Variants in MGMT observed in about 807,000 individuals in gnomAD.
MGMT encodes the protein methylated-DNA--protein-cysteine methyltransferase.
In MGMT, 14 loss-of-function variants were observed where a neutral mutation model predicts 15.9. The observed-to-expected ratio is 0.88, with a 90% CI of 0.58 to 1.37. The LOEUF (loss-of-function observed/expected upper bound fraction) is 1.37, where lower values mean the gene tolerates loss of function less well. Ranked by LOEUF, MGMT falls within the 40% of genes most tolerant of loss-of-function variation. The pLI is 0.00. For synonymous variants in MGMT, 130 were observed against 118.2 expected (o/e 1.10, Z -0.65); for missense variants, 282 against 268.1 (o/e 1.05, Z -0.36).
Position 129,624,874 on chromosome 10 carries a change from C to T in MGMT, c.126-83021C>T, listed in dbSNP as rs180858513. Among the ~76,000 whole-genome samples the T allele has an allele frequency of 2.2e-3, 334 of 152,008 alleles. 1 individual carries two copies. Among genetic ancestry groups the T allele is most frequent in the African/African-American group, 7.7e-3 (317 of 41,432 alleles). On this transcript the variant is annotated intron_variant, in intron 2 of 4. Coordinates refer to ENST00000651593, the MANE Select transcript of MGMT (RefSeq NM_002412.5). ...CACCCACATGAAGCGGCTATGTAAA[C>T]GTGACAAAGTAGATATTAAGAAAAG...
chr10:129,673,970 C>T (rs1226500496), intron 2 of MGMT, among the ~76,000 whole-genome samples: 2 of 152,106 alleles, frequency 1.3e-5, no homozygotes, highest in Non-Finnish European at 2.9e-5. Context: ...TGGGTTTGAA[C>T]AAGTAACTGA....
chr10:129,616,635 A>G (rs1344444712), intron 2 of MGMT, among the ~76,000 whole-genome samples: 1 of 152,220 alleles, frequency 6.6e-6, no homozygotes, highest in Non-Finnish European at 1.5e-5. Flanking sequence ...TAACCAGGTA[A>G]CACTAAACCA....
chr10:129,601,948 G>C (rs189445598), intron 2 of MGMT, among the ~76,000 whole-genome samples: 1 of 152,140 alleles, frequency 6.6e-6, no homozygotes, highest in Non-Finnish European at 1.5e-5. Context: ...TCATTGGTCC[G>C]TGACCAACAA....
At chr10:129,498,456 A>G (rs745552041) in intron 1 of MGMT, among the ~76,000 whole-genome samples, 12 of 152,160 alleles carry the variant, frequency 7.9e-5, no homozygotes, top group East Asian at 3.9e-4. Flanking sequence ...TCATTTACCA[A>G]CGGGAACTGT....
intron 1 of MGMT, 87 bp from the exon 2 acceptor site, chr10:129,536,154 C>A: frequency 7.0e-7 from 1 of 1,422,870 alleles, no homozygotes; most frequent in South Asian, 1.3e-5. Flanking sequence ...TATTTTGTGT[C>A]TTAAATAACC....
At chr10:129,649,808 A>G (rs1847436282) in intron 2 of MGMT, among the ~76,000 whole-genome samples, 1 of 152,360 alleles carries the variant, frequency 6.6e-6, no homozygotes, top group East Asian at 1.9e-4. Flanking sequence ...TACCCAGGAA[A>G]GATGTTAAGT....
intron 2 of MGMT, among the ~76,000 whole-genome samples, chr10:129,652,318 C>T (rs1847469263): frequency 6.6e-6 from 1 of 152,182 alleles, no homozygotes; most frequent in African/African-American, 2.4e-5. Context: ...CGCTGGAGTT[C>T]CAGTAGAGTG....
At chr10:129,488,687 C>A (rs1185399122) in intron 1 of MGMT, among the ~76,000 whole-genome samples, 1 of 152,154 alleles carries the variant, frequency 6.6e-6, no homozygotes, top group Non-Finnish European at 1.5e-5. Flanking sequence ...ATGAAAGTAT[C>A]AGTTTTCCTT....
intron 2 of MGMT, among the ~76,000 whole-genome samples, chr10:129,646,750 A>ATTTTT (rs1335109530): frequency 2.5e-4 from 19 of 75,894 alleles, no homozygotes; most frequent in South Asian, 1.1e-3. Flanking sequence ...ATATATATAT[A>ATTTTT]TATATTTTCA....
chr10:129,731,904 C>T (rs11016897), intron 3 of MGMT, among the ~76,000 whole-genome samples: 81,553 of 151,892 alleles, frequency 0.54, 22,316 homozygotes, highest in Middle Eastern at 0.71. Context: ...GCGTTTAATC[C>T]GTTGTGTTGT....
At position 129,768,299 on chromosome 10, in the gene MGMT, C is replaced by T. The variant is rs762670004; in HGVS notation, c.*1302C>T. ...CCCTTTCTGGCATCAGCCAAAATCT[C>T]GGTTTTTCCTATGACATGAAGTGAT... On this transcript the variant is annotated 3_prime_UTR_variant, in exon 5 of 5. Transcript: ENST00000651593. Among the ~76,000 whole-genome samples the T allele has an allele frequency of 2.0e-5, 3 of 152,242 alleles. No homozygotes were observed. The highest frequency in any genetic ancestry group is 3.2e-3 in the Middle Eastern group (1 of 316).
chr10:129,697,392 T>TG (rs1296018845), intron 2 of MGMT, among the ~76,000 whole-genome samples: 1 of 152,224 alleles, frequency 6.6e-6, no homozygotes, highest in African/African-American at 2.4e-5. Context: ...TCCACGGAGA[T>TG]GCCCCAGACT....
chr10:129,573,714 A>G (rs1237917930), intron 2 of MGMT, among the ~76,000 whole-genome samples: 1 of 152,236 alleles, frequency 6.6e-6, no homozygotes, highest in Non-Finnish European at 1.5e-5. Flanking sequence ...CTTTGTGTTT[A>G]CACACATTTT....
At chr10:129,756,207 G>A (rs1263486252) in intron 3 of MGMT, among the ~76,000 whole-genome samples, 1 of 152,216 alleles carries the variant, frequency 6.6e-6, no homozygotes, top group Non-Finnish European at 1.5e-5. Flanking sequence ...AATGAAAATA[G>A]CCATGTCCTT....
chr10:129,599,669 ACATGCTTTCACACACGATTCACTGAGGC>A (rs1846794976), intron 2 of MGMT, among the ~76,000 whole-genome samples: 1 of 152,216 alleles, frequency 6.6e-6, no homozygotes, highest in Admixed American at 6.5e-5. Context: ...ATATGCTTGT[ACATGCTTTCACACACGATTCACTGAGGC>A]CGGCAAGTCT....
intron 1 of MGMT, among the ~76,000 whole-genome samples, chr10:129,487,112 A>G (rs570941539): frequency 1.3e-5 from 2 of 152,006 alleles, no homozygotes; most frequent in Non-Finnish European, 2.9e-5. Flanking sequence ...TGTTGAGATG[A>G]CACTTTTCCT....
chr10:129,687,836 A>G (rs1204674683), intron 2 of MGMT, among the ~76,000 whole-genome samples: 1 of 151,416 alleles, frequency 6.6e-6, no homozygotes, highest in East Asian at 2.0e-4. Flanking sequence ...TCCTAATGCT[A>G]TCCCTCCCCC....
chr10:129,675,202 G>GA (rs1242936774), intron 2 of MGMT, among the ~76,000 whole-genome samples: 5 of 152,170 alleles, frequency 3.3e-5, no homozygotes, highest in Admixed American at 6.5e-5. Context: ...TGGGAGGTTT[G>GA]AGAGGGTGTC....
chr10:129,587,762 A>G (rs1564860874), intron 2 of MGMT, among the ~76,000 whole-genome samples: 1 of 152,028 alleles, frequency 6.6e-6, no homozygotes, highest in Non-Finnish European at 1.5e-5. Flanking sequence ...CCTTTTTGAC[A>G]TGTGAAATAC....
Sources: allele counts gnomAD v4.1 joint callset (sites outside exome capture counted in the v4.1 genomes callset), GRCh38; gene constraint gnomAD v4.1.1; transcripts MANE v1.5; gene names NCBI Gene and HGNC (gene_info 2026-07-23, HGNC 2026-07-21).